The following PCDHGA6 variants were observed in gnomAD, a reference collection of about 807,000 sequenced individuals.
The protein encoded by PCDHGA6 is protocadherin gamma subfamily A, 6.
PCDHGA6 carries 41 observed loss-of-function variants against 60.6 expected under a neutral mutation model. The ratio of observed to expected loss-of-function variants is 0.68; its 90% CI spans 0.53 to 0.88. The LOEUF (loss-of-function observed/expected upper bound fraction) is 0.88. Ranked by LOEUF, PCDHGA6 falls within the 40% of genes least tolerant of loss-of-function variation. The pLI, the probability that PCDHGA6 is intolerant of heterozygous loss-of-function variation, is 0.00. For synonymous variants in PCDHGA6, 594 were observed against 524.4 expected, an observed-to-expected ratio of 1.13 and a Z score of -1.81; for missense variants, 1,312 against 1,203.0, an observed-to-expected ratio of 1.09 and a Z score of -1.34.
chr5:141,490,891 C>A lies in PCDHGA6; in HGVS notation c.2425-3916C>A, dbSNP rs1462296497. The A allele has an allele frequency of 6.2e-7, 1 of 1,613,204 alleles. No homozygotes were observed. Among genetic ancestry groups the A allele is most frequent in the Non-Finnish European group, 8.5e-7 (1 of 1,179,262 alleles). On this transcript the variant is annotated intron_variant, in intron 1 of 3. Transcript: ENST00000517434. This position sits in a 1 kb window ranked among gnomAD's most constrained non-coding sequence, Gnocchi z 5.4. ...CCCATTGCATGCCAACACATCTCTGCATGTGTTTGTCCTAGACGAGAATGA... is the reference window on the plus strand; with the variant it reads ...CCCATTGCATGCCAACACATCTCTGAATGTGTTTGTCCTAGACGAGAATGA...
chr5:141,413,630 C>T (rs746896115), intron 1 of PCDHGA6: 2 of 1,613,692 alleles, frequency 1.2e-6, no homozygotes, highest in Admixed American at 3.3e-5. Flanking sequence ...AATGTCGCTG[C>T]GGGAATGCGT....
Position 141,491,405 on chromosome 5 carries a change from A to C in PCDHGA6, c.2425-3402A>C. 6.2e-7 allele frequency: 1 copy of C among 1,614,096 alleles called. No individual in the cohort carries two copies. Among genetic ancestry groups the C allele is most frequent in the Non-Finnish European group, 8.5e-7 (1 of 1,179,998 alleles). On this transcript the variant is annotated intron_variant, in intron 1 of 3. Coordinates refer to ENST00000517434, the MANE Select transcript of PCDHGA6 (RefSeq NM_018919.3). This position sits in a 1 kb window ranked among gnomAD's most constrained non-coding sequence, Gnocchi z 6.9. ...GCGAAGTGCCTTCAGGGAAACGCAG[A>C]CGGGGACGGGGGTGGAGGGCAGTGC... is the stretch of plus-strand genomic sequence containing the variant.
intron 1 of PCDHGA6, chr5:141,399,279 C>G (rs370090713): frequency 1.2e-6 from 2 of 1,613,694 alleles, no homozygotes; most frequent in Non-Finnish European, 1.7e-6. Flanking sequence ...AATTACAAGG[C>G]GAAGTCCCTT....
At chr5:141,481,327 T>C (rs2099535776) in intron 1 of PCDHGA6, among the ~76,000 whole-genome samples, 1 of 152,244 alleles carries the variant, frequency 6.6e-6, no homozygotes, top group Non-Finnish European at 1.5e-5. Context: ...CACTAGCCCC[T>C]GGACAACTAT....
Position 141,490,446 on chromosome 5 carries a change from C to T in PCDHGA6, c.2425-4361C>T, listed in dbSNP as rs779502898. 2.5e-6 allele frequency: 4 copies of T among 1,614,196 alleles called. No homozygotes were observed. The highest frequency in any genetic ancestry group is 3.4e-6 in the Non-Finnish European group (4 of 1,180,016). ...CATTTCAGATTAAGCCTTCTGAGAA[C>T]CACTACTCGCTGCTAACCAGCCAGC... On this transcript the variant is annotated intron_variant, in intron 1 of 3. Coordinates refer to ENST00000517434, the MANE Select transcript of PCDHGA6 (RefSeq NM_018919.3). The surrounding 1 kb of genome is among the most constrained non-coding windows in gnomAD (Gnocchi z 5.4).
chr5:141,376,051 C>G lies in PCDHGA6; in HGVS notation c.1968C>G (p.Ala656=), dbSNP rs771320447. Residue 656 remains alanine, a synonymous_variant, in exon 1 of 4, where the codon GCC becomes GCG. Coordinates refer to ENST00000517434, the MANE Select transcript of PCDHGA6 (RefSeq NM_018919.3). ...ACCACGGCCAGCCCCCTCTCTCCGC[C>G]ACTGTCACGCTCACCGTGGCCGTGG... is the stretch of plus-strand genomic sequence containing the variant. ...VQDHGQPPLS[A]TVTLTVAVAD... is the part of the protein sequence containing the mutation. 7.4e-6 allele frequency: 12 copies of G among 1,613,344 alleles called. No individual in the cohort carries two copies. The highest frequency in any genetic ancestry group is 9.3e-6 in the Non-Finnish European group (11 of 1,179,896).
At chr5:141,398,228 G>A (rs2150736860) in intron 1 of PCDHGA6, 1 of 1,475,144 alleles carries the variant, frequency 6.8e-7, no homozygotes, top group East Asian at 2.5e-5. Flanking sequence ...GAGCAGATCC[G>A]CTACAGGATT....
chr5:141,431,333 C>T lies in PCDHGA6; in HGVS notation c.2424+54826C>T. 1 of 1,614,058 alleles carries T rather than the reference C, an allele frequency of 6.2e-7. No individual in the cohort carries two copies. Among genetic ancestry groups the T allele is most frequent in the Non-Finnish European group, 8.5e-7 (1 of 1,180,030 alleles). On this transcript the variant is annotated intron_variant, in intron 1 of 3. Coordinates refer to ENST00000517434, the MANE Select transcript of PCDHGA6 (RefSeq NM_018919.3). The surrounding 1 kb of genome is among the most constrained non-coding windows in gnomAD (Gnocchi z 4.8). ...AAATGGAGCCGACGGTAGTAAGTAC[C>T]CCGAATTGGTGCTGAAACGCGCCCT...
chr5:141,401,281 G>C (rs2094135967), intron 1 of PCDHGA6, among the ~76,000 whole-genome samples: 1 of 152,200 alleles, frequency 6.6e-6, no homozygotes, highest in Non-Finnish European at 1.5e-5. Context: ...GGTGGAGGTT[G>C]CGGTGAGCCG....
chr5:141,374,534 C>G lies in PCDHGA6; in HGVS notation c.451C>G (p.Arg151Gly), dbSNP rs868822562. The G allele has an allele frequency of 3.7e-6, 6 of 1,613,096 alleles. No homozygotes were observed. Among genetic ancestry groups the G allele is most frequent in the Admixed American group, 3.3e-5 (2 of 60,024 alleles). Residue 151 changes from arginine (R) to glycine (G), a missense_variant, in exon 1 of 4, where the codon CGT becomes GGT. Arg to Gly is a moderately radical substitution (Grantham distance 125). Transcript: ENST00000517434. ...KILENAAPSS[R>G]FPLMEVYDPD... ...TCTCGAAAACGCAGCTCCATCCTCT[C>G]GTTTTCCACTAATGGAGGTCTATGA...
chr5:141,441,633 C>T, intron 1 of PCDHGA6: 1 of 226,756 alleles, frequency 4.4e-6, no homozygotes, highest in Non-Finnish European at 8.9e-6. Flanking sequence ...CCTGGAGCCA[C>T]AGGCGCTGTG....
intron 1 of PCDHGA6, chr5:141,413,635 A>C: frequency 6.2e-7 from 1 of 1,613,888 alleles, no homozygotes; most frequent in Non-Finnish European, 8.5e-7. Context: ...CGCTGCGGGA[A>C]TGCGTTTTCC....
intron 1 of PCDHGA6, chr5:141,433,247 G>A (rs1393219042): frequency 2.8e-6 from 4 of 1,447,840 alleles, no homozygotes; most frequent in Non-Finnish European, 3.8e-6. Context: ...AAGCTGGAAT[G>A]CAGCGGTACG....
chr5:141,418,810 A>G lies in PCDHGA6; in HGVS notation c.2424+42303A>G, dbSNP rs149866479. The G allele has an allele frequency of 4.9e-3, 7,975 of 1,613,892 alleles. 44 individuals carry two copies. Among genetic ancestry groups the G allele is most frequent in the Admixed American group, 9.4e-3 (567 of 60,018 alleles). On this transcript the variant is annotated intron_variant, in intron 1 of 3. Coordinates refer to ENST00000517434, the MANE Select transcript of PCDHGA6 (RefSeq NM_018919.3). ...TTGAAGAAGTAGAAAGATATACGAT[A>G]AACATAGAAGCAAAAGACCGAGGAT...
At chr5:141,475,955 C>G (rs1562050812) in intron 1 of PCDHGA6, 8 of 800,218 alleles carry the variant, frequency 1.0e-5, no homozygotes, top group South Asian at 1.9e-5. Flanking sequence ...TTCTGCGCCC[C>G]GGGATGAGGC....
chr5:141,389,101 C>G, intron 1 of PCDHGA6: 1 of 1,614,030 alleles, frequency 6.2e-7, no homozygotes, highest in Non-Finnish European at 8.5e-7. Flanking sequence ...GTGACAGATG[C>G]TGTTCTAGAC....
chr5:141,419,621 G>T, intron 1 of PCDHGA6: 2 of 1,612,306 alleles, frequency 1.2e-6, no homozygotes, highest in Non-Finnish European at 1.7e-6. Context: ...AGGCTACCTG[G>T]TGACCAAGGT....
chr5:141,390,358 G>T, intron 1 of PCDHGA6: 1 of 1,540,914 alleles, frequency 6.5e-7, no homozygotes, highest in East Asian at 2.2e-5. Context: ...ATACATATTT[G>T]CAGGAAAATA....
Position 141,477,060 on chromosome 5 carries a change from C to G in PCDHGA6, c.2425-17747C>G. On this transcript the variant is annotated intron_variant, in intron 1 of 3. Coordinates refer to ENST00000517434, the MANE Select transcript of PCDHGA6 (RefSeq NM_018919.3). The surrounding 1 kb of genome is among the most constrained non-coding windows in gnomAD (Gnocchi z 4.9). ...AAGGGTCGGCTGGACTTCGAGGACA[C>G]CAAACTCCATGAGATTTACATCCAG... The G allele has an allele frequency of 1.2e-6, 2 of 1,614,256 alleles. No individual in the cohort carries two copies. The highest frequency in any genetic ancestry group is 2.2e-5 in the South Asian group (2 of 91,086).
Sources: gnomAD v4.1 joint callset for allele counts (sites outside exome capture counted in the v4.1 genomes callset) on GRCh38, gnomAD v4.1.1 for gene constraint, Gnocchi (gnomAD v3.1) non-coding constraint, MANE v1.5 for transcripts, NCBI Gene and HGNC (gene_info 2026-07-23, HGNC 2026-07-21) for gene names.